Variants in IZUMO3 observed in about 807,000 individuals in gnomAD.
IZUMO3 encodes the protein izumo sperm-egg fusion protein 3.
IZUMO3 carries 36 observed loss-of-function variants against 28.4 expected under a neutral mutation model. That is an observed-to-expected ratio of 1.27 (90% CI 0.97 to 1.67). The LOEUF (loss-of-function observed/expected upper bound fraction) is 1.67. Ranked by LOEUF, IZUMO3 falls within the 40% of genes most tolerant of loss-of-function variation. The pLI, the probability that IZUMO3 is intolerant of heterozygous loss-of-function variation, is 0.00. For missense variants in IZUMO3, 387 were observed against 278.5 expected, an observed-to-expected ratio of 1.39 and a Z score of -2.77; for synonymous variants, 126 against 99.2, an observed-to-expected ratio of 1.27 and a Z score of -1.61.
Position 24,543,165 on chromosome 9 carries a change from A to G in IZUMO3, c.*64T>C, listed in dbSNP as rs1819487805. On this transcript the variant is annotated 3_prime_UTR_variant, in exon 7 of 7. Transcript: ENST00000543880. ...ATGACCAAGAAAGGGTTTACCTCCC[A>G]GTTTTGTACTTAGAGTCAACACTTA... The G allele has an allele frequency of 7.6e-7, 1 of 1,316,038 alleles. No individual in the cohort carries two copies. The highest frequency in any genetic ancestry group is 1.7e-5 in the South Asian group (1 of 58,136). The allele number at this position is 1,316,038 out of a possible 1,614,324, so 81.5% of individuals were successfully genotyped here.
chr9:24,544,022 G>T (rs1000614351), intron 5 of IZUMO3, among the ~76,000 whole-genome samples, 179 bp downstream of exon 5: 7 of 152,014 alleles, frequency 4.6e-5, no homozygotes, highest in South Asian at 4.1e-4. Flanking sequence ...TTGATTCAGT[G>T]CCAAATTATT....
At position 24,545,797 on chromosome 9, in the gene IZUMO3, A is replaced by G; in HGVS notation, c.-148T>C. On this transcript the variant is annotated 5_prime_UTR_variant, in exon 1 of 7. Coordinates refer to ENST00000543880, the MANE Select transcript of IZUMO3 (RefSeq NM_001365008.2). ...GCTGTTTCCATCCCACTATCGGGCA[A>G]TCTTTAGTTGTTTAGTTTAATGATC... 1 of 1,542,126 alleles carries G rather than the reference A, an allele frequency of 6.5e-7. No individual in the cohort carries two copies. Among genetic ancestry groups the G allele is most frequent in the Admixed American group, 2.0e-5 (1 of 50,440 alleles).
intron 2 of IZUMO3, 54 bp downstream of exon 2, chr9:24,545,158 T>A: frequency 1.3e-6 from 2 of 1,519,956 alleles, no homozygotes; most frequent in African/African-American, 2.8e-5. Flanking sequence ...CCAGCCAAAT[T>A]TTCTGAGGCT....
In IZUMO3 at chr9:24,545,569, T is replaced by C. The variant is rs975025668; in HGVS notation, c.81A>G (p.Lys27=). Residue 27 remains lysine, a synonymous_variant, in exon 1 of 7, where the codon AAA becomes AAG. Transcript: ENST00000543880. ...GVKGCLECDP[K]FIEDVGSLLG... The stretch of plus-strand genomic sequence containing the variant: ...GCAAGGAGCCAACATCCTCTATAAA[T>C]TTGGGGTCACATTCTAAACAGCCTT... 1 of 1,535,220 alleles carries C rather than the reference T, an allele frequency of 6.5e-7. No individual in the cohort carries two copies. Among genetic ancestry groups the C allele is most frequent in the African/African-American group, 1.4e-5 (1 of 73,000 alleles).
intron 1 of IZUMO3, 68 bp from the exon 2 acceptor site, chr9:24,545,354 A>C: frequency 6.5e-7 from 1 of 1,547,120 alleles, no homozygotes; most frequent in South Asian, 1.2e-5. Flanking sequence ...ATGTAGACCC[A>C]GGTGTTCTCT....
chr9:24,544,610 CG>C, intron 4 of IZUMO3, 132 bp downstream of exon 4: 1 of 770,278 alleles, frequency 1.3e-6, no homozygotes, highest in Non-Finnish European at 2.2e-6. Flanking sequence ...GTATTGTTGA[CG>C]TTACCCCTTG....
chr9:24,543,676 C>G lies in IZUMO3; in HGVS notation c.569G>C (p.Ser190Thr), dbSNP rs545480079. ...ILLATAVILG[S>T]AVLLFHFCIF... is the part of the protein sequence containing the mutation. ...AGAAGAAACTCACAGTAACACAGCA[C>G]TTCCCAGTATTACAGCTGTTGCCAG... The change falls in exon 6 of 7, where the codon AGT becomes ACT. Residue 190 changes from serine to threonine, a missense_variant. Physicochemically the swap from Ser to Thr is moderately conservative, Grantham distance 58 (BLOSUM62 1). Transcript: ENST00000543880. 7.8e-6 allele frequency: 12 copies of G among 1,545,086 alleles called. No individual in the cohort carries two copies. In the African/African-American group the frequency reaches 1.4e-4, roughly 18 times the overall value.
At chr9:24,543,401 A>C in intron 6 of IZUMO3, 34 bp from the exon 7 acceptor site, 1 of 1,410,572 alleles carries the variant, frequency 7.1e-7, no homozygotes, top group Non-Finnish European at 9.5e-7. Context: ...TCCAACTTCA[A>C]TATCAGTAGC....
At position 24,545,125 on chromosome 9, in the gene IZUMO3, GTC is replaced by G. The variant is rs549500242; in HGVS notation, c.302-66_302-65del. ...GCTCTTCCCTTCAGAAGTTAATTAT[GTC>G]TGTTTTTATCTTTGTTTTCCCCAGC... On this transcript the variant is annotated intron_variant, in intron 2 of 6. Transcript: ENST00000543880. 2.3e-4 allele frequency: 335 copies of G among 1,476,618 alleles called. 3 individuals carry two copies. In the South Asian group the frequency reaches 3.9e-3, roughly 17 times the overall value. 91.5% of individuals were successfully genotyped at this position (1,476,618 alleles called of 1,614,324 possible).
At position 24,545,549 on chromosome 9, in the gene IZUMO3, G is replaced by A. The variant is rs116392267; in HGVS notation, c.101C>T (p.Ser34Phe). The change falls in exon 1 of 7, where the codon TCC (serine) becomes TTC (phenylalanine). Residue 34 changes from serine (S) to phenylalanine (F), a missense_variant. Coordinates refer to ENST00000543880, the MANE Select transcript of IZUMO3 (RefSeq NM_001365008.2). The part of the protein sequence containing the change: ...CDPKFIEDVG[S>F]LLGNLIPSEV... ...TGAAGGTATCAGATTTCCCAGCAAGGAGCCAACATCCTCTATAAATTTGGG... is the reference window on the plus strand; with the variant it reads ...TGAAGGTATCAGATTTCCCAGCAAGAAGCCAACATCCTCTATAAATTTGGG... 1.1e-3 allele frequency: 1,699 copies of A among 1,535,328 alleles called. 13 individuals carry two copies. In the African/African-American group the frequency reaches 0.02, roughly 18 times the overall value.
Position 24,545,675 on chromosome 9 carries a change from C to T in IZUMO3, c.-26G>A. The T allele has an allele frequency of 1.3e-6, 2 of 1,534,812 alleles. No individual in the cohort carries two copies. Among genetic ancestry groups the T allele is most frequent in the Non-Finnish European group, 1.7e-6 (2 of 1,146,434 alleles). ...TTCTTTCTTCACCCCCGCTCCCCGA[C>T]AGCAGGTTGTCCTGGCAACTAGTTC... is the stretch of plus-strand genomic sequence containing the variant. On this transcript the variant is annotated 5_prime_UTR_variant, in exon 1 of 7. Coordinates refer to ENST00000543880, the MANE Select transcript of IZUMO3 (RefSeq NM_001365008.2).
chr9:24,545,149 C>G, intron 2 of IZUMO3, 63 bp downstream of exon 2: 2 of 1,511,574 alleles, frequency 1.3e-6, no homozygotes, highest in South Asian at 1.2e-5. Flanking sequence ...TTGTTTTCCC[C>G]AGCCAAATTT....
At position 24,544,737 on chromosome 9, in the gene IZUMO3, A is replaced by T. The variant is rs1437127603; in HGVS notation, c.409+6T>A. 1 of 1,549,884 alleles carries T rather than the reference A, an allele frequency of 6.5e-7. No individual in the cohort carries two copies. The highest frequency in any genetic ancestry group is 2.4e-5 in the East Asian group (1 of 40,896). ...AACCTCAAGGCGTCACATGTACTGT[A>T]CTCACTGCAATCTTCAGAACAAGCT... On this transcript the variant is annotated splice_donor_region_variant and intron_variant, in intron 4 of 6. Transcript: ENST00000543880.
At chr9:24,543,967 A>C (rs965587567) in intron 5 of IZUMO3, among the ~76,000 whole-genome samples, 1 of 152,112 alleles carries the variant, frequency 6.6e-6, no homozygotes, top group Admixed American at 6.5e-5. Flanking sequence ...TCCCAGCCTA[A>C]TTTCTTCATT....
At position 24,545,610 on chromosome 9, in the gene IZUMO3, C is replaced by T; in HGVS notation, c.40G>A (p.Ala14Thr). 8 of 1,535,372 alleles carry T rather than the reference C, an allele frequency of 5.2e-6. No homozygotes were observed. The highest frequency in any genetic ancestry group is 5.2e-6 in the Non-Finnish European group (6 of 1,146,702). ...LWLFLLLPLS[A>T]FHGVKGCLEC... ...AAACAGCCTTTGACTCCATGGAAGG[C>T]TGAGAGGGGCAGGAGCAGGAATAAC... Residue 14 changes from alanine (A) to threonine (T), a missense_variant, in exon 1 of 7, where the codon GCC becomes ACC. Coordinates refer to ENST00000543880, the MANE Select transcript of IZUMO3 (RefSeq NM_001365008.2).
intron 6 of IZUMO3, 71 bp from the exon 7 acceptor site, chr9:24,543,438 G>GTTGT (rs1819500288): frequency 2.8e-5 from 1 of 35,800 alleles, no homozygotes; most frequent in Non-Finnish European, 4.5e-5. Context: ...GTTATACATT[G>GTTGT]TTTTTTTTTT....
chr9:24,543,361 A>G lies in IZUMO3; in HGVS notation c.588T>C (p.His196=). ...VILGSAVLLF[H]FCIFHRRKMK... is the part of the protein sequence containing the mutation. ...TTTTCCTCCGATGAAAGATGCAAAA[A>G]TGGAATCTAGAGTAGGAAAAGAAAA... Residue 196 remains histidine, a synonymous_variant, in exon 7 of 7, where the codon CAT becomes CAC. Transcript: ENST00000543880. 6.5e-7 allele frequency: 1 copy of G among 1,542,418 alleles called. No individual in the cohort carries two copies.
At chr9:24,544,929 C>T (rs1176161855) in intron 3 of IZUMO3, 43 bp downstream of exon 3, 2 of 1,418,252 alleles carry the variant, frequency 1.4e-6, no homozygotes, top group East Asian at 2.5e-5. Flanking sequence ...TTTCTATTCC[C>T]TTCATATAAC....
chr9:24,543,460 T>TTG (rs1819505705), intron 6 of IZUMO3, 93 bp from the exon 7 acceptor site: 2 of 916,420 alleles, frequency 2.2e-6, no homozygotes, highest in Non-Finnish European at 2.9e-6. Context: ...TTTTTTTTTT[T>TTG]TTTTTTTTTT....
Sources: gnomAD v4.1 joint callset for allele counts (sites outside exome capture counted in the v4.1 genomes callset) on GRCh38, gnomAD v4.1.1 for gene constraint, MANE v1.5 for transcripts, NCBI Gene and HGNC (gene_info 2026-07-23, HGNC 2026-07-21) for gene names.